SYNC: variants seen among roughly 807,000 people sequenced by gnomAD.
SYNC encodes the protein syncoilin.
A neutral mutation model predicts 49.5 loss-of-function variants in SYNC; 38 were observed. The observed-to-expected ratio is 0.77, with a 90% confidence interval of 0.59 to 1.01. The LOEUF (loss-of-function observed/expected upper bound fraction) is 1.01, where lower values mean the gene tolerates loss of function less well. Among genes scored for constraint, SYNC ranks in the 50% least tolerant of loss-of-function variants. The pLI is 0.00. For synonymous variants in SYNC, 201 were observed against 230.8 expected (o/e 0.87, Z 1.17); for missense variants, 579 against 580.6 (o/e 1.00, Z 0.03).
intron 1 of SYNC, among the ~76,000 whole-genome samples, chr1:32,700,878 C>A (rs1194156268): frequency 1.3e-5 from 2 of 151,966 alleles, no homozygotes; most frequent in Admixed American, 1.3e-4. Flanking sequence ...GAGGTAACTA[C>A]AGCACATATA....
At position 32,680,850 on chromosome 1, in the gene SYNC, C is replaced by A; in HGVS notation, c.*1000G>T. ...AAGTGAAAGACATAAAACACTGAAT[C>A]AGAGGTGGCACAGATTAGTCTTTGA... On this transcript the variant is annotated 3_prime_UTR_variant, in exon 5 of 5. Transcript: ENST00000409190. 3.0e-6 allele frequency: 1 copy of A among 337,330 alleles called. No individual in the cohort carries two copies. Among genetic ancestry groups the A allele is most frequent in the Non-Finnish European group, 5.4e-6 (1 of 186,202 alleles). The allele number at this position is 337,330 out of a possible 1,614,324, so 20.9% of individuals were successfully genotyped here. A position where few individuals can be genotyped will look rare whatever the true frequency, so the allele number is the denominator to read the frequency against.
intron 1 of SYNC, among the ~76,000 whole-genome samples, chr1:32,700,920 T>A (rs1650640040): frequency 7.0e-6 from 1 of 143,276 alleles, no homozygotes. Context: ...CACAATATAC[T>A]TTTTTTTTTT....
At chr1:32,688,685 C>T (rs1020104063) in intron 2 of SYNC, among the ~76,000 whole-genome samples, 5 of 152,158 alleles carry the variant, frequency 3.3e-5, no homozygotes, top group African/African-American at 1.2e-4. Flanking sequence ...CTTGCGGGTT[C>T]AGGCAATTCT....
At chr1:32,692,717 C>T (rs1650223048) in intron 2 of SYNC, among the ~76,000 whole-genome samples, 1 of 152,022 alleles carries the variant, frequency 6.6e-6, no homozygotes, top group South Asian at 2.1e-4. Context: ...CTGCACTCCA[C>T]TGCACTCCAG....
Position 32,694,965 on chromosome 1 carries a change from A to G in SYNC, c.1133T>C (p.Leu378Pro), listed in dbSNP as rs545336096. Residue 378 changes from leucine to proline, a missense_variant, in exon 2 of 5, where the codon CTG becomes CCG. Coordinates refer to ENST00000409190, the MANE Select transcript of SYNC (RefSeq NM_030786.3). ...IQEMKEALRPLQAEARQLRLQ... is the reference protein window; with the variant it reads ...IQEMKEALRPPQAEARQLRLQ... ...GCGGAGCTGCCGGGCCTCTGCTTGC[A>G]GGGGTCTCAGAGCCTCCTTCATTTC... The G allele has an allele frequency of 7.2e-5, 116 of 1,613,950 alleles. 1 individual carries two copies. The South Asian group carries it at 1.2e-3, about 16-fold the overall frequency.
upstream of SYNC, chr1:32,703,552 T>G (rs1239248325): frequency 6.6e-6 from 1 of 152,326 alleles, no homozygotes. Flanking sequence ...TTCCCAGACC[T>G]GGGCTTCAGG....
intron 2 of SYNC, among the ~76,000 whole-genome samples, chr1:32,687,602 G>T (rs1481406226): frequency 6.6e-6 from 1 of 150,864 alleles, no homozygotes; most frequent in Non-Finnish European, 1.5e-5. Context: ...AACCCGGGAG[G>T]CAAAGGTTAC....
chr1:32,689,872 C>T (rs945523363), intron 2 of SYNC, among the ~76,000 whole-genome samples: 2 of 146,586 alleles, frequency 1.4e-5, no homozygotes, highest in African/African-American at 5.1e-5. Context: ...ACCCGGGAGG[C>T]AGAGGTTGCA....
In SYNC at chr1:32,695,570, C is replaced by T; in HGVS notation, c.528G>A (p.Glu176=). 2 of 1,551,522 alleles carry T rather than the reference C, an allele frequency of 1.3e-6. No individual in the cohort carries two copies. The highest frequency in any genetic ancestry group is 1.7e-6 in the Non-Finnish European group (2 of 1,146,966). Reference sequence around the variant, plus strand: ...CTTGGACACACTGCTGGAAACGCCCCTCTAGCAATTCCAGGTCCTCTATGC... The same window carrying T: ...CTTGGACACACTGCTGGAAACGCCCTTCTAGCAATTCCAGGTCCTCTATGC... ...NLSIEDLELL[E]GRFQQCVQAV... The change falls in exon 2 of 5, where the codon GAG becomes GAA. Residue 176 remains glutamate, a synonymous_variant. Transcript: ENST00000409190.
chr1:32,681,721 A>G lies in SYNC; in HGVS notation c.*129T>C. On this transcript the variant is annotated 3_prime_UTR_variant, in exon 5 of 5. Coordinates refer to ENST00000409190, the MANE Select transcript of SYNC (RefSeq NM_030786.3). ...AGGTCAGCCAGTATTTGCAACTTCC[A>G]CAGGATGAATTGCTTGCCAAGTTTC... 6.7e-7 allele frequency: 1 copy of G among 1,492,318 alleles called. No individual in the cohort carries two copies. The highest frequency in any genetic ancestry group is 1.2e-5 in the South Asian group (1 of 86,468). 92.4% of individuals were successfully genotyped at this position (1,492,318 alleles called of 1,614,324 possible). A position where few individuals can be genotyped will look rare whatever the true frequency, so the allele number is the denominator to read the frequency against.
rs200279844 is a variant in SYNC, at chr1:32,684,115, A to C, written c.1359-26T>G. The C allele has an allele frequency of 1.9e-6, 3 of 1,612,238 alleles. No individual in the cohort carries two copies. In the Admixed American group the frequency reaches 5.0e-5, roughly 27 times the overall value. Reference sequence around the variant, plus strand: ...CTTTAAAAAGAGAGAGCCATTTTCCATGTGTTTTTGGATAAGCACAATTTG... The same window carrying C: ...CTTTAAAAAGAGAGAGCCATTTTCCCTGTGTTTTTGGATAAGCACAATTTG... On this transcript the variant is annotated intron_variant, in intron 3 of 4. Transcript: ENST00000409190.
At chr1:32,684,430 C>T (rs1230071561) in intron 2 of SYNC, 48 bp from the exon 3 acceptor site, 1 of 1,612,590 alleles carries the variant, frequency 6.2e-7, no homozygotes, top group Non-Finnish European at 8.5e-7. Context: ...ACAATAAAAA[C>T]TCACATTGTC....
chr1:32,691,733 C>A (rs1304928411), intron 2 of SYNC, among the ~76,000 whole-genome samples: 2 of 152,074 alleles, frequency 1.3e-5, no homozygotes, highest in Non-Finnish European at 1.5e-5. Context: ...TTACCTATAT[C>A]TTTTCTCCCC....
At position 32,689,235 on chromosome 1, in the gene SYNC, C is replaced by CTTTTTTTTTTTTTTTTTTTTTT. The variant is rs71006360; in HGVS notation, c.1234-4875_1234-4854dup. 9.6e-5 allele frequency among the ~76,000 whole-genome samples: 4 copies of CTTTTTTTTTTTTTTTTTTTTTT among 41,520 alleles called. 2 individuals are homozygous for CTTTTTTTTTTTTTTTTTTTTTT. Among genetic ancestry groups the CTTTTTTTTTTTTTTTTTTTTTT allele is most frequent in the Non-Finnish European group, 2.0e-4 (4 of 20,370 alleles). The allele number at this position is 41,520 out of a possible 152,430, so 27.2% of individuals were successfully genotyped here. A position where few individuals can be genotyped will look rare whatever the true frequency, so the allele number is the denominator to read the frequency against. ...ACAGGCGTGAGGCACCTCGCCTGGC[C>CTTTTTTTTTTTTTTTTTTTTTT]TTTTTTTTTTTTTTTTTTTTTTTTT... On this transcript the variant is annotated intron_variant, in intron 2 of 4. Transcript: ENST00000409190.
At chr1:32,687,745 A>C (rs1649933566) in intron 2 of SYNC, among the ~76,000 whole-genome samples, 2 of 151,294 alleles carry the variant, frequency 1.3e-5, no homozygotes. Flanking sequence ...CACTAAGCTC[A>C]CTTCCCAAAA....
chr1:32,687,204 A>G (rs983909470), intron 2 of SYNC, among the ~76,000 whole-genome samples: 11 of 152,060 alleles, frequency 7.2e-5, no homozygotes, highest in African/African-American at 2.7e-4. Flanking sequence ...TACTAAAAAT[A>G]CAAAAAATTA....
At chr1:32,685,509 T>G (rs1248564007) in intron 2 of SYNC, 2 of 152,226 alleles carry the variant, frequency 1.3e-5, no homozygotes, top group Admixed American at 1.3e-4. Context: ...ATGCTATTAT[T>G]AGAAGGATCT....
intron 1 of SYNC, among the ~76,000 whole-genome samples, chr1:32,696,471 C>T (rs1229239450): frequency 2.0e-5 from 3 of 151,462 alleles, no homozygotes; most frequent in South Asian, 2.1e-4. Flanking sequence ...TTTTTTGAGA[C>T]GGAGTCTTGC....
chr1:32,690,012 A>G (rs970245919), intron 2 of SYNC, among the ~76,000 whole-genome samples: 1 of 152,136 alleles, frequency 6.6e-6, no homozygotes, highest in East Asian at 1.9e-4. Flanking sequence ...TTTCAGAAAG[A>G]AAAATTAGGG....
Sources: gnomAD v4.1 joint callset for allele counts (sites outside exome capture counted in the v4.1 genomes callset) on GRCh38, gnomAD v4.1.1 for gene constraint, MANE v1.5 for transcripts, NCBI Gene and HGNC (gene_info 2026-07-23, HGNC 2026-07-21) for gene names.